Variants in ACBD6 observed in about 807,000 individuals in gnomAD.
ACBD6 encodes the protein acyl-CoA binding domain containing 6.
ACBD6 carries 28 observed loss-of-function variants against 37.2 expected under a neutral mutation model. That is an observed-to-expected ratio of 0.75 (90% CI 0.56 to 1.03). The LOEUF (loss-of-function observed/expected upper bound fraction) is 1.03, where lower values mean the gene tolerates loss of function less well. ACBD6 is among the 50% of genes least tolerant of loss of function. ACBD6 has a pLI of 0.00. For synonymous variants in ACBD6, 113 were observed against 126.8 expected, an observed-to-expected ratio of 0.89 and a Z score of 0.73; for missense variants, 340 against 337.4, an observed-to-expected ratio of 1.01 and a Z score of -0.06.
At chr1:180,500,505 G>C (rs929788932) in intron 1 of ACBD6, among the ~76,000 whole-genome samples, 4 of 151,176 alleles carry the variant, frequency 2.6e-5, no homozygotes, top group African/African-American at 9.7e-5. Flanking sequence ...CCAGCCTGGC[G>C]AACATGATGA....
At chr1:180,300,727 A>G (rs1201788066) in intron 7 of ACBD6, among the ~76,000 whole-genome samples, 1 of 152,166 alleles carries the variant, frequency 6.6e-6, no homozygotes, top group Non-Finnish European at 1.5e-5. Context: ...AATCAGGGAT[A>G]ATTTTTATTA....
intron 6 of ACBD6, among the ~76,000 whole-genome samples, chr1:180,354,222 A>G (rs865906877): frequency 1.3e-5 from 2 of 152,384 alleles, no homozygotes; most frequent in South Asian, 4.1e-4. Flanking sequence ...ACAGATGAAT[A>G]GAATACTGAT....
intron 3 of ACBD6, among the ~76,000 whole-genome samples, chr1:180,455,371 G>A (rs1198881696): frequency 6.6e-6 from 1 of 151,990 alleles, no homozygotes; most frequent in Non-Finnish European, 1.5e-5. Context: ...GGGCCTATCG[G>A]GGGTTGGGGG....
chr1:180,280,467 C>CGGT, intron 9 of ACBD6, among the ~76,000 whole-genome samples: 1 of 152,158 alleles, frequency 6.6e-6, no homozygotes, highest in South Asian at 2.1e-4. Context: ...TGTGACTTAA[C>CGGT]CTAAGTCCTA....
At chr1:180,485,908 A>G (rs1209329787) in intron 3 of ACBD6, among the ~76,000 whole-genome samples, 1 of 152,138 alleles carries the variant, frequency 6.6e-6, no homozygotes, top group African/African-American at 2.4e-5. Context: ...ATACCAATAT[A>G]AATACAGGAG....
chr1:180,334,325 G>A (rs896404180), intron 6 of ACBD6, among the ~76,000 whole-genome samples: 3 of 152,170 alleles, frequency 2.0e-5, no homozygotes, highest in Non-Finnish European at 4.4e-5. Context: ...AACTTCCAGA[G>A]GAACGATCAG....
intron 3 of ACBD6, among the ~76,000 whole-genome samples, chr1:180,468,480 G>C (rs1266571397): frequency 6.6e-6 from 1 of 152,222 alleles, no homozygotes; most frequent in Non-Finnish European, 1.5e-5. Context: ...GCGTGACTGG[G>C]TTTATTTTCT....
intron 3 of ACBD6, among the ~76,000 whole-genome samples, chr1:180,485,130 T>A (rs1368464866): frequency 6.6e-6 from 1 of 151,686 alleles, no homozygotes; most frequent in Admixed American, 6.6e-5. Context: ...GGGTATGTAA[T>A]TTTAGATCTG....
chr1:180,495,081 G>T (rs373491129), intron 2 of ACBD6, among the ~76,000 whole-genome samples: 12 of 152,282 alleles, frequency 7.9e-5, no homozygotes, highest in African/African-American at 2.9e-4. Context: ...GAAAAATGGG[G>T]ATTTATCCTG....
Position 180,502,417 on chromosome 1 carries a change from C to G in ACBD6, c.-151G>C, listed in dbSNP as rs940174654. The G allele has an allele frequency of 3.7e-6, 3 of 801,256 alleles. No homozygotes were observed. The highest frequency in any genetic ancestry group is 2.0e-5 in the Admixed American group (1 of 49,570). 49.6% of individuals were successfully genotyped at this position (801,256 alleles called of 1,614,324 possible). A position where few individuals can be genotyped will look rare whatever the true frequency, so the allele number is the denominator to read the frequency against. On this transcript the variant is annotated 5_prime_UTR_variant, in exon 1 of 8. Transcript: ENST00000367595. ...GTCGCGGCGCGCTCCCTCACGTGAC[C>G]CTGCTCCCTGCCCACTTCTACTCCC...
chr1:180,313,993 T>C (rs1281203947), intron 7 of ACBD6, among the ~76,000 whole-genome samples: 1 of 152,218 alleles, frequency 6.6e-6, no homozygotes, highest in Non-Finnish European at 1.5e-5. Flanking sequence ...AATCAGTTAG[T>C]AGGAGAAATT....
chr1:180,377,646 C>T (rs184341001), intron 6 of ACBD6, among the ~76,000 whole-genome samples: 51 of 152,246 alleles, frequency 3.3e-4, no homozygotes, highest in East Asian at 5.8e-4. Flanking sequence ...CATTGATGGA[C>T]GCTAAAATTA....
At chr1:180,413,278 G>T in intron 5 of ACBD6, 88 bp downstream of exon 5, 1 of 927,160 alleles carries the variant, frequency 1.1e-6, no homozygotes, top group Non-Finnish European at 1.8e-6. Flanking sequence ...ACTTTGAGTT[G>T]TAGTTCATTG....
Position 180,369,907 on chromosome 1 carries a change from A to G in ACBD6, c.663+27609T>C, listed in dbSNP as rs80088115. Reference sequence around the variant, plus strand: ...GAACAAATAAGCATATTGACCAGATATATCAAGAAAGTCACGAAGCATTCA... The same window carrying G: ...GAACAAATAAGCATATTGACCAGATGTATCAAGAAAGTCACGAAGCATTCA... On this transcript the variant is annotated intron_variant, in intron 6 of 7. Transcript: ENST00000367595. Among the ~76,000 whole-genome samples, 71 of 152,364 alleles carry G rather than the reference A, an allele frequency of 4.7e-4. No homozygotes were observed. In the East Asian group the frequency reaches 0.013, roughly 28 times the overall value.
At chr1:180,390,600 G>A (rs1246055381) in intron 6 of ACBD6, among the ~76,000 whole-genome samples, 1 of 151,998 alleles carries the variant, frequency 6.6e-6, no homozygotes, top group Non-Finnish European at 1.5e-5. Flanking sequence ...GGGCAGTATG[G>A]CCATTTTCAC....
intron 7 of ACBD6, among the ~76,000 whole-genome samples, chr1:180,296,641 G>C (rs1261332212): frequency 6.6e-6 from 1 of 151,846 alleles, no homozygotes; most frequent in East Asian, 2.0e-4. Flanking sequence ...ATGTTGGCCA[G>C]GCTGGTCTCG....
At chr1:180,480,610 G>C (rs977843694) in intron 3 of ACBD6, among the ~76,000 whole-genome samples, 7 of 152,180 alleles carry the variant, frequency 4.6e-5, no homozygotes, top group African/African-American at 1.7e-4. Flanking sequence ...TGCTCAATAA[G>C]TATTCCAGCA....
At chr1:180,455,050 G>C (rs1649863275) in intron 3 of ACBD6, among the ~76,000 whole-genome samples, 1 of 152,148 alleles carries the variant, frequency 6.6e-6, no homozygotes, top group Non-Finnish European at 1.5e-5. Flanking sequence ...AAATCATGCT[G>C]CTATAAAGAC....
At chr1:180,330,826 T>C (rs985374245) in intron 6 of ACBD6, among the ~76,000 whole-genome samples, 55 of 152,196 alleles carry the variant, frequency 3.6e-4, no homozygotes, top group African/African-American at 1.3e-3. Context: ...AAACAAGCAG[T>C]TGAACCTAAA....
Sources: gnomAD v4.1 joint callset for allele counts (sites outside exome capture counted in the v4.1 genomes callset) on GRCh38, gnomAD v4.1.1 for gene constraint, MANE v1.5 for transcripts, NCBI Gene and HGNC (gene_info 2026-07-23, HGNC 2026-07-21) for gene names.